Variants in ABLIM1 observed in about 807,000 individuals in gnomAD.
ABLIM1 encodes actin-binding LIM protein 1.
In ABLIM1, 40 loss-of-function variants were observed where a neutral mutation model predicts 107.0. The observed-to-expected ratio is 0.37, with a 90% confidence interval of 0.29 to 0.49. The LOEUF (loss-of-function observed/expected upper bound fraction) is 0.49. Among genes scored for constraint, ABLIM1 ranks in the 20% least tolerant of loss-of-function variants. ABLIM1 has a pLI of 0.97. For synonymous variants in ABLIM1, 357 were observed against 357.3 expected (o/e 1.00, Z 0.01); for missense variants, 857 against 1,008.5 (o/e 0.85, Z 2.04).
chr10:114,758,681 A>G (rs2082681891), intron 1 of ABLIM1, among the ~76,000 whole-genome samples: 1 of 152,078 alleles, frequency 6.6e-6, no homozygotes. Context: ...GTTACCATTC[A>G]GTTCTCTGGT....
intron 4 of ABLIM1, among the ~76,000 whole-genome samples, chr10:114,561,531 G>A (rs1565938836): frequency 2.0e-5 from 3 of 152,148 alleles, no homozygotes; most frequent in Non-Finnish European, 4.4e-5. Flanking sequence ...CAGCCACCCA[G>A]TTCTCTCTCT....
At chr10:114,461,523 T>C (rs1470760949) in intron 12 of ABLIM1, among the ~76,000 whole-genome samples, 1 of 152,064 alleles carries the variant, frequency 6.6e-6, no homozygotes, top group Non-Finnish European at 1.5e-5. Context: ...ACTTATAATT[T>C]AAAATAATCT....
chr10:114,630,507 T>C (rs1257389973), intron 1 of ABLIM1, among the ~76,000 whole-genome samples: 3 of 152,210 alleles, frequency 2.0e-5, no homozygotes, highest in Non-Finnish European at 4.4e-5. Flanking sequence ...TAAAGATCTA[T>C]AGGAGCAGAG....
the ABLIM1 span, among the ~76,000 whole-genome samples, chr10:114,781,648 GTA>G: frequency 0.013 from 1,586 of 125,306 alleles, 22 homozygotes; most frequent in African/African-American, 0.044. Context: ...GTGTGTGTGT[GTA>G]TATATATATG....
chr10:114,794,539 G>C, the ABLIM1 span, among the ~76,000 whole-genome samples: 1 of 152,320 alleles, frequency 6.6e-6, no homozygotes, highest in Non-Finnish European at 1.5e-5. Flanking sequence ...TCTGAAAAAT[G>C]AGATACAACT....
rs539901505 is a variant in ABLIM1, at chr10:114,533,400, T to G, written c.894+11605A>C. Among the ~76,000 whole-genome samples, 3 of 152,290 alleles carry G rather than the reference T, an allele frequency of 2.0e-5. No homozygotes were observed. In the South Asian group the frequency reaches 6.2e-4, roughly 32 times the overall value. On this transcript the variant is annotated intron_variant, in intron 6 of 22. Transcript: ENST00000533213. Reference sequence around the variant, plus strand: ...CTGGTTTGGAATAGAAAAGGACATATTATTATAATCTTGCAATTAAATCAA... The same window carrying G: ...CTGGTTTGGAATAGAAAAGGACATAGTATTATAATCTTGCAATTAAATCAA...
At chr10:114,495,543 G>A (rs1371621898) in intron 6 of ABLIM1, among the ~76,000 whole-genome samples, 3 of 152,042 alleles carry the variant, frequency 2.0e-5, no homozygotes, top group Non-Finnish European at 4.4e-5. Context: ...TGACAGTGAT[G>A]ACAACAATGA....
chr10:114,493,938 CA>C (rs1014931766), intron 6 of ABLIM1, among the ~76,000 whole-genome samples: 2 of 152,114 alleles, frequency 1.3e-5, no homozygotes, highest in Admixed American at 6.5e-5. Context: ...AATGCACACA[CA>C]AAAAATACAC....
chr10:114,644,280 CAAAAAAAAA>C (rs1170954656), intron 1 of ABLIM1, among the ~76,000 whole-genome samples: 47 of 18,624 alleles, frequency 2.5e-3, no homozygotes, highest in African/African-American at 6.4e-3. Context: ...GACTCCATCT[CAAAAAAAAA>C]AAAAAAAAAA....
chr10:114,533,322 T>C (rs1325490650), intron 6 of ABLIM1, among the ~76,000 whole-genome samples: 1 of 151,936 alleles, frequency 6.6e-6, no homozygotes, highest in East Asian at 1.9e-4. Flanking sequence ...GCCTGGGCAA[T>C]GGAGGGAGAC....
At chr10:114,631,365 T>G (rs2078162460) in intron 1 of ABLIM1, among the ~76,000 whole-genome samples, 1 of 152,186 alleles carries the variant, frequency 6.6e-6, no homozygotes, top group African/African-American at 2.4e-5. Context: ...TAAGAAGGTG[T>G]TTGGAGGAGT....
the ABLIM1 span, chr10:114,778,789 A>T: frequency 6.6e-6 from 1 of 152,140 alleles, no homozygotes; most frequent in East Asian, 1.9e-4. Flanking sequence ...CTCTAGCTCC[A>T]CTCACAGTTC....
chr10:114,539,092 T>A (rs1023741099), intron 6 of ABLIM1, among the ~76,000 whole-genome samples: 1 of 152,252 alleles, frequency 6.6e-6, no homozygotes, highest in African/African-American at 2.4e-5. Flanking sequence ...GCGCAGTGGC[T>A]CACGCCTATA....
intron 1 of ABLIM1, among the ~76,000 whole-genome samples, chr10:114,703,457 TG>T (rs1481430498): frequency 6.6e-6 from 1 of 152,172 alleles, no homozygotes; most frequent in Non-Finnish European, 1.5e-5. Flanking sequence ...GTGAAGCAAA[TG>T]GTAGGCATAA....
At chr10:114,469,818 G>A (rs1442710501) in intron 10 of ABLIM1, among the ~76,000 whole-genome samples, 1 of 152,206 alleles carries the variant, frequency 6.6e-6, no homozygotes, top group Non-Finnish European at 1.5e-5. Flanking sequence ...CAATTAAAAT[G>A]CAAAAAGCTT....
intron 6 of ABLIM1, among the ~76,000 whole-genome samples, chr10:114,514,157 C>T (rs1263246260): frequency 6.6e-6 from 1 of 152,106 alleles, no homozygotes; most frequent in African/African-American, 2.4e-5. Context: ...GGTGCAGTGG[C>T]TCACGCCTGT....
rs1238017201 is a variant in ABLIM1, at chr10:114,447,806, T to C, written c.1735+74A>G. The C allele has an allele frequency of 5.7e-6, 9 of 1,576,992 alleles. No individual in the cohort carries two copies. In the African/African-American group the frequency reaches 6.8e-5, roughly 12 times the overall value. ...TCTTCATAATAGGATACATTTTCTT[T>C]CATGTTTTTAAGCATGTCATCTTGA... On this transcript the variant is annotated intron_variant, in intron 15 of 22. Coordinates refer to ENST00000533213, the MANE Select transcript of ABLIM1 (RefSeq NM_002313.7).
intron 6 of ABLIM1, among the ~76,000 whole-genome samples, chr10:114,499,064 C>T (rs2060051165): frequency 6.6e-6 from 1 of 152,184 alleles, no homozygotes; most frequent in Non-Finnish European, 1.5e-5. Context: ...CCAGTGCTTC[C>T]AGAAGACAGA....
chr10:114,623,792 G>A (rs2077616801), intron 1 of ABLIM1, among the ~76,000 whole-genome samples: 1 of 152,168 alleles, frequency 6.6e-6, no homozygotes, highest in Non-Finnish European at 1.5e-5. Context: ...GTCCTAGACA[G>A]TAATTTCCTT....
Sources: allele counts gnomAD v4.1 joint callset (sites outside exome capture counted in the v4.1 genomes callset), GRCh38; gene constraint gnomAD v4.1.1; transcripts MANE v1.5; gene names NCBI Gene and HGNC (gene_info 2026-07-23, HGNC 2026-07-21).